Variants in MATN4 observed in about 807,000 individuals in gnomAD.
MATN4 encodes matrilin 4, also known as matrilin-4.
A neutral mutation model predicts 54.6 loss-of-function variants in MATN4; 40 were observed. The observed-to-expected ratio is 0.73, with a 90% CI of 0.57 to 0.95. The LOEUF (loss-of-function observed/expected upper bound fraction) is 0.95. Among genes scored for constraint, MATN4 ranks in the 40% least tolerant of loss-of-function variants. MATN4 has a pLI of 0.00. For missense variants in MATN4, 810 were observed against 819.1 expected, an observed-to-expected ratio of 0.99 and a Z score of 0.13; for synonymous variants, 351 against 345.3, an observed-to-expected ratio of 1.02 and a Z score of -0.18.
chr20:45,296,622 T>A (rs1445962487), intron 8 of MATN4, among the ~76,000 whole-genome samples: 1 of 151,888 alleles, frequency 6.6e-6, no homozygotes, highest in Non-Finnish European at 1.5e-5. Context: ...TTAAGGTAGG[T>A]GTGGGGTAAG....
Position 45,298,016 on chromosome 20 carries a change from T to C in MATN4, c.1481A>G (p.Glu494Gly). 2 of 1,613,996 alleles carry C rather than the reference T, an allele frequency of 1.2e-6. No homozygotes were observed. The highest frequency in any genetic ancestry group is 1.7e-6 in the Non-Finnish European group (2 of 1,179,972). ...VGKAVEAELREIASEPAELHV... is the reference protein window; with the variant it reads ...VGKAVEAELRGIASEPAELHV... Reference sequence around the variant, plus strand: ...CAGTTCCGCTGGCTCCGAGGCGATCTCGCGCAGCTCCGCCTCCACCGCCTT... The same window carrying C: ...CAGTTCCGCTGGCTCCGAGGCGATCCCGCGCAGCTCCGCCTCCACCGCCTT... The change falls in exon 8 of 10, where the codon GAG becomes GGG. Residue 494 changes from glutamate to glycine, a missense_variant. Coordinates refer to ENST00000372756, the MANE Select transcript of MATN4 (RefSeq NM_001393530.1). The surrounding 1 kb of genome is among the most constrained non-coding windows in gnomAD (Gnocchi z 4.6).
chr20:45,294,071 T>C, intron 8 of MATN4, 56 bp from the exon 9 acceptor site: 2 of 1,404,232 alleles, frequency 1.4e-6, no homozygotes, highest in Non-Finnish European at 2.0e-6. Context: ...GCTTTGGCCC[T>C]CTGATTTCCC....
rs1269825010 is a variant in MATN4, at chr20:45,293,579, C to T, written c.*188G>A. 1 of 552,586 alleles carries T rather than the reference C, an allele frequency of 1.8e-6. No homozygotes were observed. 34.2% of individuals were successfully genotyped at this position (552,586 alleles called of 1,614,324 possible). A position where few individuals can be genotyped will look rare whatever the true frequency, so the allele number is the denominator to read the frequency against. On this transcript the variant is annotated 3_prime_UTR_variant, in exon 10 of 10. Transcript: ENST00000372756. Reference sequence around the variant, plus strand: ...CCCTCACCACCCGCTATCCCCCTGACGCCGCAGTCCGCCTAATGGTCCGGG... The same window carrying T: ...CCCTCACCACCCGCTATCCCCCTGATGCCGCAGTCCGCCTAATGGTCCGGG...
chr20:45,304,909 C>T, intron 2 of MATN4, 112 bp from the exon 3 acceptor site: 1 of 638,654 alleles, frequency 1.6e-6, no homozygotes, highest in Non-Finnish European at 2.7e-6. Flanking sequence ...GCGCCCAGCA[C>T]AGCAAACGCA....
chr20:45,293,700 C>A lies in MATN4; in HGVS notation c.*67G>T, dbSNP rs1985615634. Reference sequence around the variant, plus strand: ...CAGGTTCTGCCTGGCCCCGGCGCACCGATGGCGCGCAAGGGGCACCGTCCG... The same window carrying A: ...CAGGTTCTGCCTGGCCCCGGCGCACAGATGGCGCGCAAGGGGCACCGTCCG... On this transcript the variant is annotated 3_prime_UTR_variant, in exon 10 of 10. Coordinates refer to ENST00000372756, the MANE Select transcript of MATN4 (RefSeq NM_001393530.1). 1 of 1,445,118 alleles carries A rather than the reference C, an allele frequency of 6.9e-7. No individual in the cohort carries two copies. The highest frequency in any genetic ancestry group is 2.5e-5 in the East Asian group (1 of 40,286). 89.5% of individuals were successfully genotyped at this position (1,445,118 alleles called of 1,614,324 possible).
At chr20:45,294,042 G>A (rs2145635734) in intron 8 of MATN4, 27 bp from the exon 9 acceptor site, 4 of 1,569,864 alleles carry the variant, frequency 2.5e-6, no homozygotes, top group Non-Finnish European at 3.5e-6. Context: ...GAGGGTCAGG[G>A]GGATGAGAAA....
upstream of MATN4, chr20:45,308,350 A>AGGGGAATT: frequency 1.3e-6 from 1 of 764,782 alleles, no homozygotes. Context: ...GCGGGTGGGG[A>AGGGGAATT]GGGGAAGTGC....
rs935334470 is a variant in MATN4 at position 45,293,775 on chromosome 20, G to C, written c.1738C>G (p.Gln580Glu). Reference sequence around the variant, plus strand: ...TGGGCCGTCCGTGGCCCTCACTTCTGGTTGGCCAGCTGGTTCTCCAGATCC... The same window carrying C: ...TGGGCCGTCCGTGGCCCTCACTTCTCGTTGGCCAGCTGGTTCTCCAGATCC... ...LEDLENQLAN[Q>E]K The change falls in exon 10 of 10, where the codon CAG becomes GAG. Residue 580 changes from glutamine (Q) to glutamate (E), a missense_variant. Gln to Glu is a conservative substitution (Grantham distance 29). Coordinates refer to ENST00000372756, the MANE Select transcript of MATN4 (RefSeq NM_001393530.1). The C allele has an allele frequency of 5.6e-6, 9 of 1,608,492 alleles. No homozygotes were observed. The highest frequency in any genetic ancestry group is 7.6e-6 in the Non-Finnish European group (9 of 1,179,628).
upstream of MATN4, chr20:45,308,582 C>T: frequency 3.0e-6 from 1 of 332,016 alleles, no homozygotes; most frequent in Non-Finnish European, 5.8e-6. Context: ...AGGAGAGCCC[C>T]AAGGGGTGGA....
intron 1 of MATN4, chr20:45,306,767 A>ACAGGGGG: frequency 1.9e-6 from 1 of 537,024 alleles, no homozygotes; most frequent in Non-Finnish European, 2.9e-6. Context: ...CCCCGAGCAA[A>ACAGGGGG]CAGGGGGCCG....
chr20:45,304,788 C>T lies in MATN4; in HGVS notation c.83G>A (p.Cys28Tyr), dbSNP rs532207630. ...CACCAGATCCAGGGGCCCAGTGTGA[C>T]ACCTGGGACCTGCGGGGAGATCAGG... ...ETQLQLTGPR[C>Y]HTGPLDLVFV... Residue 28 changes from cysteine (C) to tyrosine (Y), a missense_variant, in exon 3 of 10, where the codon TGT becomes TAT. Physicochemically the swap from Cys to Tyr is radical, Grantham distance 194. Transcript: ENST00000372756. 2 of 1,577,702 alleles carry T rather than the reference C, an allele frequency of 1.3e-6. No individual in the cohort carries two copies. The highest frequency in any genetic ancestry group is 1.4e-5 in the African/African-American group (1 of 74,018).
chr20:45,296,601 G>A (rs1010444487), intron 8 of MATN4, among the ~76,000 whole-genome samples: 5 of 152,186 alleles, frequency 3.3e-5, no homozygotes, highest in East Asian at 1.9e-4. Context: ...TCCTGTTACC[G>A]AAGAGAAAAG....
At chr20:45,307,150 C>T (rs1296896029) in intron 1 of MATN4, among the ~76,000 whole-genome samples, 1 of 152,172 alleles carries the variant, frequency 6.6e-6, no homozygotes, top group Admixed American at 6.5e-5. Context: ...CACTAAACCT[C>T]ATTTCCTTCC....
At chr20:45,307,986 G>A (rs903837388) in intron 1 of MATN4, among the ~76,000 whole-genome samples, 189 bp downstream of exon 1, 2 of 152,132 alleles carry the variant, frequency 1.3e-5, no homozygotes, top group Non-Finnish European at 2.9e-5. Context: ...AGTAGAAAAG[G>A]GATGATCCTA....
intron 3 of MATN4, among the ~76,000 whole-genome samples, chr20:45,302,603 T>C (rs374026187): frequency 1.5e-4 from 22 of 151,720 alleles, no homozygotes; most frequent in South Asian, 6.2e-4. Context: ...AGGCCCTATC[T>C]CTTAAAAAGA....
At chr20:45,297,550 A>G (rs776437947) in intron 8 of MATN4, among the ~76,000 whole-genome samples, 4 of 152,160 alleles carry the variant, frequency 2.6e-5, no homozygotes, top group Non-Finnish European at 4.4e-5. Flanking sequence ...CTCCACTTAC[A>G]AATGCTGTCT....
chr20:45,299,588 T>A (rs1361434178), intron 6 of MATN4, among the ~76,000 whole-genome samples: 1 of 152,044 alleles, frequency 6.6e-6, no homozygotes, highest in Admixed American at 6.6e-5. Flanking sequence ...AAAATTACTG[T>A]CCTTGTAAGA....
At chr20:45,305,342 T>C (rs1397388603) in intron 2 of MATN4, among the ~76,000 whole-genome samples, 168 bp downstream of exon 2, 1 of 152,214 alleles carries the variant, frequency 6.6e-6, no homozygotes, top group Non-Finnish European at 1.5e-5. Context: ...AGCCACATCC[T>C]ACAGATGAAG....
intron 8 of MATN4, among the ~76,000 whole-genome samples, chr20:45,294,654 A>C (rs1985696796): frequency 6.6e-6 from 1 of 152,242 alleles, no homozygotes; most frequent in African/African-American, 2.4e-5. Flanking sequence ...AAAAGCACAG[A>C]TCTAGAACAC....
Sources: allele counts gnomAD v4.1 joint callset (sites outside exome capture counted in the v4.1 genomes callset), GRCh38; gene constraint gnomAD v4.1.1; non-coding constraint Gnocchi (gnomAD v3.1); transcripts MANE v1.5; gene names NCBI Gene and HGNC (gene_info 2026-07-23, HGNC 2026-07-21).